NALF1: variants seen among roughly 807,000 people sequenced by gnomAD.
NALF1 encodes NALCN channel auxiliary factor 1.
NALF1 carries 3 observed loss-of-function variants against 48.4 expected under a neutral mutation model. That is an observed-to-expected ratio of 0.06 (90% CI 0.03 to 0.16). NALF1 has a LOEUF of 0.16. Ranked by LOEUF, NALF1 falls within the 10% of genes least tolerant of loss-of-function variation. The pLI is 1.00. For synonymous variants in NALF1, 262 were observed against 245.7 expected (o/e 1.07, Z -0.62); for missense variants, 526 against 571.5 (o/e 0.92, Z 0.81).
At chr13:107,251,479 C>T (rs758779844) in intron 1 of NALF1, among the ~76,000 whole-genome samples, 1 of 152,176 alleles carries the variant, frequency 6.6e-6, no homozygotes, top group Non-Finnish European at 1.5e-5. Flanking sequence ...GGACTTGCTG[C>T]CTTCGCCAGT....
At chr13:107,305,932 T>C (rs1381247015) in intron 1 of NALF1, among the ~76,000 whole-genome samples, 2 of 152,206 alleles carry the variant, frequency 1.3e-5, no homozygotes, top group Non-Finnish European at 2.9e-5. Flanking sequence ...TGCTAAGATA[T>C]ATGTATTTTG....
At chr13:107,347,710 A>C (rs1484072946) in intron 1 of NALF1, among the ~76,000 whole-genome samples, 1 of 152,250 alleles carries the variant, frequency 6.6e-6, no homozygotes, top group Non-Finnish European at 1.5e-5. Context: ...ATGAAAAGAA[A>C]AAAATACTTT....
chr13:107,825,484 TCTCAATCC>T (rs1879488340), intron 1 of NALF1, among the ~76,000 whole-genome samples: 1 of 152,238 alleles, frequency 6.6e-6, no homozygotes, highest in Non-Finnish European at 1.5e-5. Context: ...TGATCTCTTG[TCTCAATCC>T]ATAATTAGGC....
At chr13:107,480,121 T>G (rs778988454) in intron 1 of NALF1, among the ~76,000 whole-genome samples, 3 of 152,172 alleles carry the variant, frequency 2.0e-5, no homozygotes, top group Non-Finnish European at 2.9e-5. Context: ...ACAAAAACTT[T>G]AAAGCCAAAT....
In NALF1 at chr13:107,164,923, T is replaced by G. The variant is rs536141292; in HGVS notation, c.*5574A>C. On this transcript the variant is annotated 3_prime_UTR_variant, in exon 3 of 3. Coordinates refer to ENST00000375915, the MANE Select transcript of NALF1 (RefSeq NM_001080396.3). ...ATGAATAGTCATGATAACTAACTAC[T>G]ACTGAGCACCTGTTTTGTCCAGGCA... is the stretch of plus-strand genomic sequence containing the variant. The G allele has an allele frequency of 1.2e-4, 18 of 152,290 alleles. No homozygotes were observed. Among genetic ancestry groups the G allele is most frequent in the African/African-American group, 4.1e-4 (17 of 41,572 alleles). 9.4% of individuals were successfully genotyped at this position (152,290 alleles called of 1,614,324 possible).
chr13:107,861,177 A>G (rs1166785819), intron 1 of NALF1, among the ~76,000 whole-genome samples: 1 of 152,238 alleles, frequency 6.6e-6, no homozygotes, highest in African/African-American at 2.4e-5. Flanking sequence ...AATGATTATG[A>G]TATTCTCTTC....
chr13:107,460,134 G>C (rs1884894531), intron 1 of NALF1, among the ~76,000 whole-genome samples: 1 of 152,212 alleles, frequency 6.6e-6, no homozygotes, highest in Non-Finnish European at 1.5e-5. Flanking sequence ...AAAGTGAAAT[G>C]AATACTTCTT....
At chr13:107,480,193 G>C (rs1046525943) in intron 1 of NALF1, among the ~76,000 whole-genome samples, 3 of 152,092 alleles carry the variant, frequency 2.0e-5, no homozygotes, top group African/African-American at 7.2e-5. Context: ...CCATTTTATA[G>C]TTGAGGCCAG....
intron 1 of NALF1, among the ~76,000 whole-genome samples, chr13:107,596,705 A>G (rs1317930869): frequency 2.0e-5 from 3 of 152,162 alleles, no homozygotes; most frequent in African/African-American, 7.2e-5. Flanking sequence ...GGATAGCATT[A>G]TGAGAAATAC....
intron 1 of NALF1, among the ~76,000 whole-genome samples, chr13:107,382,295 A>T (rs1883454686): frequency 6.6e-6 from 1 of 152,320 alleles, no homozygotes; most frequent in Non-Finnish European, 1.5e-5. Context: ...TTAAAAGCAA[A>T]AATCGTGTTT....
chr13:107,463,583 A>C (rs544140351), intron 1 of NALF1, among the ~76,000 whole-genome samples: 27 of 152,330 alleles, frequency 1.8e-4, no homozygotes, highest in Admixed American at 3.9e-4. Context: ...ACTGAGAAGC[A>C]TGAGAGTGAA....
chr13:107,211,340 C>T (rs191501521), intron 1 of NALF1, among the ~76,000 whole-genome samples: 1 of 152,308 alleles, frequency 6.6e-6, no homozygotes, highest in East Asian at 1.9e-4. Flanking sequence ...TGTCTGAAAG[C>T]CCAGAAACAC....
At chr13:107,289,092 T>A (rs1202755361) in intron 1 of NALF1, among the ~76,000 whole-genome samples, 2 of 152,224 alleles carry the variant, frequency 1.3e-5, no homozygotes, top group African/African-American at 4.8e-5. Flanking sequence ...CTTTATCCAA[T>A]CCACCACTGT....
chr13:107,649,421 T>C (rs987086722), intron 1 of NALF1, among the ~76,000 whole-genome samples: 1 of 152,238 alleles, frequency 6.6e-6, no homozygotes, highest in African/African-American at 2.4e-5. Context: ...TTTTTTAAGA[T>C]GTACTGGCTA....
At chr13:107,747,985 G>A (rs927887494) in intron 1 of NALF1, among the ~76,000 whole-genome samples, 6 of 152,106 alleles carry the variant, frequency 3.9e-5, no homozygotes, top group African/African-American at 7.2e-5. Context: ...AAGGAACATC[G>A]TAAGTAAACT....
intron 1 of NALF1, among the ~76,000 whole-genome samples, chr13:107,490,639 T>C (rs1885400879): frequency 6.6e-6 from 1 of 151,890 alleles, no homozygotes; most frequent in Admixed American, 6.6e-5. Context: ...GGTGATGAAA[T>C]AATCTGTACA....
In NALF1 at chr13:107,866,491, G is replaced by T; in HGVS notation, c.106C>A (p.Gln36Lys). The T allele has an allele frequency of 6.2e-7, 1 of 1,614,074 alleles. No homozygotes were observed. Among genetic ancestry groups the T allele is most frequent in the Non-Finnish European group, 8.5e-7 (1 of 1,180,014 alleles). The change falls in exon 1 of 3, where the codon CAG becomes AAG. Residue 36 changes from glutamine to lysine, a missense_variant. Coordinates refer to ENST00000375915, the MANE Select transcript of NALF1 (RefSeq NM_001080396.3). This position sits in a 1 kb window ranked among gnomAD's most constrained non-coding sequence, Gnocchi z 4.4. Reference protein sequence around the residue: ...EKPFIDSERAQKWRLSLASLL... With the variant: ...EKPFIDSERAKKWRLSLASLL... ...GATGCCAGAGACAGTCGCCATTTCT[G>T]AGCCCTCTCGGAATCGATGAACGGT... is the stretch of plus-strand genomic sequence containing the variant.
At chr13:107,305,240 A>C (rs931560734) in intron 1 of NALF1, among the ~76,000 whole-genome samples, 1 of 152,018 alleles carries the variant, frequency 6.6e-6, no homozygotes, top group African/African-American at 2.4e-5. Context: ...TTTTTTCTTC[A>C]CTTCTTTTAG....
chr13:107,431,291 C>T (rs1462909024), intron 1 of NALF1, among the ~76,000 whole-genome samples: 1 of 152,146 alleles, frequency 6.6e-6, no homozygotes, highest in Non-Finnish European at 1.5e-5. Flanking sequence ...CCTCCCTGTG[C>T]AGCACTAAGA....
Sources: allele counts gnomAD v4.1 joint callset (sites outside exome capture counted in the v4.1 genomes callset), GRCh38; gene constraint gnomAD v4.1.1; non-coding constraint Gnocchi (gnomAD v3.1); transcripts MANE v1.5; gene names NCBI Gene and HGNC (gene_info 2026-07-23, HGNC 2026-07-21).